Variants in UTP20 observed in about 807,000 individuals in gnomAD.
UTP20 encodes small subunit processome component 20 homolog.
In UTP20, 164 loss-of-function variants were observed where a neutral mutation model predicts 329.5. The observed-to-expected ratio is 0.50, with a 90% CI of 0.44 to 0.57. The LOEUF (loss-of-function observed/expected upper bound fraction) is 0.57. Among genes scored for constraint, UTP20 ranks in the 20% least tolerant of loss-of-function variants. The probability of loss-of-function intolerance (pLI) is 0.00; values close to 1 mark genes in which losing one functional copy is unlikely to be tolerated. For missense variants in UTP20, 3,055 were observed against 3,284.2 expected (o/e 0.93, Z 1.71); for synonymous variants, 1,151 against 1,159.3 (o/e 0.99, Z 0.14).
intron 18 of UTP20, among the ~76,000 whole-genome samples, 186 bp downstream of exon 18, chr12:101,308,529 G>C (rs1872697145): frequency 6.6e-6 from 1 of 151,920 alleles, no homozygotes; most frequent in South Asian, 2.1e-4. Flanking sequence ...TTAAGTAGCA[G>C]GAATAATTTA....
intron 58 of UTP20, among the ~76,000 whole-genome samples, chr12:101,382,389 C>T (rs967140883): frequency 6.6e-6 from 1 of 152,102 alleles, no homozygotes; most frequent in African/African-American, 2.4e-5. Context: ...CAAAGTGAGA[C>T]TCTGTCTCAA....
intron 32 of UTP20, among the ~76,000 whole-genome samples, chr12:101,341,820 G>A (rs1293705901): frequency 6.6e-6 from 1 of 152,098 alleles, no homozygotes; most frequent in Admixed American, 6.5e-5. Context: ...CAGGAGAATC[G>A]CTTGAACCCA....
intron 27 of UTP20, among the ~76,000 whole-genome samples, chr12:101,330,294 G>T (rs1180025496): frequency 6.6e-6 from 1 of 152,142 alleles, no homozygotes; most frequent in Non-Finnish European, 1.5e-5. Flanking sequence ...CCCTGGTTGG[G>T]AATGGTCTTG....
At chr12:101,351,526 CTTTTTT>C (rs753646442) in intron 38 of UTP20, among the ~76,000 whole-genome samples, 1 of 117,874 alleles carries the variant, frequency 8.5e-6, no homozygotes, top group Non-Finnish European at 1.7e-5. Context: ...AGGCAGTGTA[CTTTTTT>C]TTTTTTTTTT....
intron 11 of UTP20, among the ~76,000 whole-genome samples, chr12:101,294,795 C>T (rs535080766): frequency 1.3e-5 from 2 of 152,142 alleles, no homozygotes; most frequent in South Asian, 2.1e-4. Flanking sequence ...CTGCCTGCCT[C>T]GGCCTCCCAA....
At chr12:101,371,347 A>G (rs916783379) in intron 51 of UTP20, among the ~76,000 whole-genome samples, 179 bp downstream of exon 51, 2 of 151,996 alleles carry the variant, frequency 1.3e-5, no homozygotes, top group Non-Finnish European at 2.9e-5. Flanking sequence ...ACTGACAGGC[A>G]GGCCAAAATT....
rs749227431 is a variant in UTP20 at position 101,383,599 on chromosome 12, G to A, written c.7986G>A (p.Lys2662=). The change falls in exon 60 of 62, where the codon AAG becomes AAA. Residue 2662 remains lysine, a synonymous_variant. Coordinates refer to ENST00000261637, the MANE Select transcript of UTP20 (RefSeq NM_014503.3). The part of the protein sequence containing the change: ...GAVAMDLGID[K]VKPYLPMIIA... Reference sequence around the variant, plus strand: ...TAGCAATGGATCTTGGGATAGACAAGGTAAAGCCGTATCTCCCAATGATCA... The same window carrying A: ...TAGCAATGGATCTTGGGATAGACAAAGTAAAGCCGTATCTCCCAATGATCA... The A allele has an allele frequency of 1.9e-6, 3 of 1,613,710 alleles. No homozygotes were observed. Among genetic ancestry groups the A allele is most frequent in the Middle Eastern group, 1.7e-4 (1 of 6,058 alleles).
chr12:101,291,006 T>G, intron 8 of UTP20, 118 bp downstream of exon 8: 1 of 1,070,760 alleles, frequency 9.3e-7, no homozygotes, highest in Non-Finnish European at 1.3e-6. Flanking sequence ...TTATTTATAC[T>G]TCTGTACACA....
chr12:101,373,297 T>G (rs1870352765), intron 52 of UTP20, 104 bp from the exon 53 acceptor site: 1 of 1,150,642 alleles, frequency 8.7e-7, no homozygotes, highest in African/African-American at 1.6e-5. Context: ...TTTTCCATTT[T>G]TTTAAGAAGT....
chr12:101,376,894 C>T (rs879589786), intron 56 of UTP20, among the ~76,000 whole-genome samples: 5 of 150,792 alleles, frequency 3.3e-5, no homozygotes, highest in Non-Finnish European at 4.4e-5. Context: ...GTGATCTACC[C>T]GCCTCGACCT....
In UTP20 at chr12:101,306,732, T is replaced by G; in HGVS notation, c.1966T>G (p.Phe656Val). The G allele has an allele frequency of 6.2e-7, 1 of 1,606,830 alleles. No homozygotes were observed. ...TTTGACAATAAGGATCCTAAACCAT[T>G]TTGATGTCCAGCTTCCAGAATCAAT... ...RLLTIRILNH[F>V]DVQLPESMED... The change falls in exon 17 of 62, where the codon TTT (phenylalanine) becomes GTT (valine). Residue 656 changes from phenylalanine (F) to valine (V), a missense_variant. Around this residue, in one of 3 missense-constraint regions of UTP20, gnomAD observed 2,445 missense variants for 2,575.5 expected, o/e 0.95. Transcript: ENST00000261637.
At chr12:101,317,787 TG>T in intron 22 of UTP20, 124 bp downstream of exon 22, 1 of 1,108,804 alleles carries the variant, frequency 9.0e-7, no homozygotes, top group Non-Finnish European at 1.2e-6. Context: ...TACATCTTCC[TG>T]GGATTTTCTT....
intron 21 of UTP20, among the ~76,000 whole-genome samples, chr12:101,315,282 A>G (rs545093396): frequency 2.4e-4 from 37 of 152,074 alleles, no homozygotes; most frequent in Non-Finnish European, 4.0e-4. Context: ...TCAGGGTTTC[A>G]AGATCAGCCT....
rs367575502 is a variant in UTP20, at chr12:101,356,949, T to C, written c.5558T>C (p.Leu1853Pro). Residue 1853 changes from leucine to proline, a missense_variant, in exon 43 of 62, where the codon CTA becomes CCA. By Grantham distance (98) the Leu-to-Pro change is moderately conservative. This residue lies in a region of UTP20 where 2,445 missense variants were observed against 2,575.5 expected (regional missense o/e 0.95). Transcript: ENST00000261637. ...AGTATTTTGCTGAAAGTGTGTGCCCTACTCAAGAACAGAGCCCAAGAAATC... is the reference window on the plus strand; with the variant it reads ...AGTATTTTGCTGAAAGTGTGTGCCCCACTCAAGAACAGAGCCCAAGAAATC... ...LPSILLKVCALLKNRAQEIRD... is the reference protein window; with the variant it reads ...LPSILLKVCAPLKNRAQEIRD... 8 of 1,612,142 alleles carry C rather than the reference T, an allele frequency of 5.0e-6. No individual in the cohort carries two copies. Among genetic ancestry groups the C allele is most frequent in the Non-Finnish European group, 5.9e-6 (7 of 1,179,644 alleles).
At chr12:101,322,473 A>G (rs1424721345) in intron 25 of UTP20, among the ~76,000 whole-genome samples, 1 of 152,200 alleles carries the variant, frequency 6.6e-6, no homozygotes, top group Non-Finnish European at 1.5e-5. Context: ...AAGATGATCC[A>G]TAAATAATAC....
intron 27 of UTP20, among the ~76,000 whole-genome samples, chr12:101,332,750 TA>T (rs773699342): frequency 6.6e-5 from 10 of 152,210 alleles, no homozygotes; most frequent in Admixed American, 6.5e-5. Flanking sequence ...TATTTCACTG[TA>T]TGGAAAAATC....
intron 18 of UTP20, among the ~76,000 whole-genome samples, chr12:101,308,979 C>G (rs910585339): frequency 1.3e-5 from 2 of 151,880 alleles, no homozygotes; most frequent in Non-Finnish European, 2.9e-5. Flanking sequence ...GTGATCCGCC[C>G]TCCTCGGCGT....
At position 101,355,070 on chromosome 12, in the gene UTP20, C is replaced by A. The variant is rs566720419; in HGVS notation, c.5346C>A (p.Thr1782=). 1 of 1,614,112 alleles carries A rather than the reference C, an allele frequency of 6.2e-7. No individual in the cohort carries two copies. Among genetic ancestry groups the A allele is most frequent in the South Asian group, 1.1e-5 (1 of 91,074 alleles). ...IERTIKNIQG[T]ITGDILPRLH... ...GAACAATTAAAAATATCCAAGGAAC[C>A]ATAACCGGGGATATTCTCCCCAGGC... The change falls in exon 41 of 62, where the codon ACC becomes ACA. Residue 1782 remains threonine (T), a synonymous_variant. Coordinates refer to ENST00000261637, the MANE Select transcript of UTP20 (RefSeq NM_014503.3).
intron 47 of UTP20, 73 bp from the exon 48 acceptor site, chr12:101,367,787 A>G (rs972717768): frequency 3.3e-6 from 3 of 899,696 alleles, no homozygotes; most frequent in Admixed American, 2.0e-5. Flanking sequence ...TTCTCTGAAC[A>G]TCATTTCACA....
Sources: allele counts gnomAD v4.1 joint callset (sites outside exome capture counted in the v4.1 genomes callset), GRCh38; gene constraint gnomAD v4.1.1; regional missense constraint gnomAD v4.1.1; transcripts MANE v1.5; gene names NCBI Gene and HGNC (gene_info 2026-07-23, HGNC 2026-07-21).